ESRRG: variants seen among roughly 807,000 people sequenced by gnomAD.
The protein encoded by ESRRG is estrogen-related receptor gamma.
In ESRRG, 13 loss-of-function variants were observed where a neutral mutation model predicts 44.0. The ratio of observed to expected loss-of-function variants is 0.30; its 90% confidence interval spans 0.19 to 0.47. ESRRG has a LOEUF of 0.47. Among genes scored for constraint, ESRRG ranks in the 20% least tolerant of loss-of-function variants. The pLI is 1.00. For synonymous variants in ESRRG, 215 were observed against 214.6 expected, an observed-to-expected ratio of 1.00 and a Z score of -0.02; for missense variants, 395 against 580.6, an observed-to-expected ratio of 0.68 and a Z score of 3.29.
chr1:216,689,277 T>G (rs1290175238), intron 1 of ESRRG, among the ~76,000 whole-genome samples: 1 of 152,132 alleles, frequency 6.6e-6, no homozygotes, highest in Non-Finnish European at 1.5e-5. Context: ...ATGTGAATAC[T>G]GGGGTGAGTT....
intron 2 of ESRRG, among the ~76,000 whole-genome samples, chr1:216,881,167 C>T (rs956345513): frequency 7.2e-5 from 11 of 152,122 alleles, no homozygotes; most frequent in Admixed American, 2.0e-4. Flanking sequence ...TTGGAGTGAA[C>T]CAGTTCCTAA....
At position 216,680,015 on chromosome 1, in the gene ESRRG, G is replaced by T. The variant is rs569529662; in HGVS notation, c.57-2524C>A. ...TTCGGGACGTACAAGCTGCCAGAAA[G>T]GTCCTTAAAACAGAAGCACTGTCTT... is the stretch of plus-strand genomic sequence containing the variant. On this transcript the variant is annotated intron_variant, in intron 1 of 6. Coordinates refer to ENST00000408911, the MANE Select transcript of ESRRG (RefSeq NM_001438.4). Among the ~76,000 whole-genome samples, 8 of 152,272 alleles carry T rather than the reference G, an allele frequency of 5.3e-5. No homozygotes were observed. The East Asian group carries it at 1.4e-3, about 26-fold the overall frequency.
At chr1:216,781,544 G>A (rs529898337) in intron 2 of ESRRG, among the ~76,000 whole-genome samples, 3 of 151,938 alleles carry the variant, frequency 2.0e-5, no homozygotes, top group African/African-American at 7.2e-5. Flanking sequence ...CACTCCAATC[G>A]CTATACCAAA....
chr1:216,895,952 G>T (rs1405437918), intron 2 of ESRRG, among the ~76,000 whole-genome samples: 1 of 152,152 alleles, frequency 6.6e-6, no homozygotes, highest in Non-Finnish European at 1.5e-5. Context: ...TTTAACTAGA[G>T]ATTCAAAATC....
chr1:216,542,458 A>G (rs1171874334), intron 5 of ESRRG, among the ~76,000 whole-genome samples: 1 of 152,024 alleles, frequency 6.6e-6, no homozygotes, highest in African/African-American at 2.4e-5. Context: ...GCAGTGGATG[A>G]TGCATCACAC....
intron 2 of ESRRG, among the ~76,000 whole-genome samples, chr1:216,890,260 G>A (rs754497714): frequency 4.6e-5 from 7 of 151,956 alleles, no homozygotes; most frequent in Non-Finnish European, 8.8e-5. Flanking sequence ...GTGAGACCCT[G>A]TCTCAAAAAA....
intron 3 of ESRRG, among the ~76,000 whole-genome samples, chr1:216,635,068 A>C (rs923149887): frequency 6.6e-6 from 1 of 151,952 alleles, no homozygotes; most frequent in African/African-American, 2.4e-5. Flanking sequence ...GACTGAAACC[A>C]TGAAACCATT....
At chr1:216,696,461 C>T (rs1415253816) in intron 1 of ESRRG, among the ~76,000 whole-genome samples, 1 of 151,688 alleles carries the variant, frequency 6.6e-6, no homozygotes, top group East Asian at 1.9e-4. Context: ...CTATTTGACC[C>T]CAAAATAACA....
At chr1:217,095,755 A>G (rs541495787) in intron 1 of ESRRG, among the ~76,000 whole-genome samples, 8 of 152,356 alleles carry the variant, frequency 5.3e-5, no homozygotes, top group Non-Finnish European at 8.8e-5. Flanking sequence ...TTTATGAAGC[A>G]TGGTGGCACA....
intron 1 of ESRRG, among the ~76,000 whole-genome samples, chr1:217,114,667 C>CTTTTTTT (rs139701773): frequency 9.3e-6 from 1 of 107,254 alleles, no homozygotes; most frequent in East Asian, 2.6e-4. Context: ...CAAAAGATTT[C>CTTTTTTT]TTTTTTTTTT....
intron 2 of ESRRG, among the ~76,000 whole-genome samples, chr1:216,809,782 CTGGAAGGACCAGGATG>C: frequency 6.6e-6 from 1 of 152,094 alleles, no homozygotes; most frequent in Non-Finnish European, 1.5e-5. Flanking sequence ...GGAGGGCTCT[CTGGAAGGACCAGGATG>C]TGGCACAGCT....
intron 2 of ESRRG, among the ~76,000 whole-genome samples, chr1:216,817,311 A>G (rs1365423430): frequency 6.6e-6 from 1 of 152,232 alleles, no homozygotes; most frequent in African/African-American, 2.4e-5. Context: ...TCATCTGAGT[A>G]TGAAAAAGAT....
chr1:216,904,075 T>C (rs1486153263), intron 2 of ESRRG, among the ~76,000 whole-genome samples: 1 of 152,150 alleles, frequency 6.6e-6, no homozygotes, highest in Non-Finnish European at 1.5e-5. Flanking sequence ...CTTGCAGGGT[T>C]GCTGTACGTA....
intron 2 of ESRRG, among the ~76,000 whole-genome samples, chr1:216,809,020 C>G (rs1428428070): frequency 6.6e-6 from 1 of 152,082 alleles, no homozygotes; most frequent in Admixed American, 6.6e-5. Context: ...TTGCCAGGCA[C>G]TGTGCTAGCT....
chr1:216,908,522 C>T (rs552658305), intron 2 of ESRRG, among the ~76,000 whole-genome samples: 1 of 152,086 alleles, frequency 6.6e-6, no homozygotes, highest in East Asian at 1.9e-4. Context: ...TTTGCAGGAC[C>T]ATAATATAGG....
rs544931443 is a variant in ESRRG, at chr1:216,506,559, GA to G, written c.*379del. 1.3e-3 allele frequency: 559 copies of G among 446,880 alleles called. 3 individuals are homozygous for G. Among genetic ancestry groups the G allele is most frequent in the African/African-American group, 0.01 (506 of 49,200 alleles). The allele number at this position is 446,880 out of a possible 1,614,324, so 27.7% of individuals were successfully genotyped here. A position where few individuals can be genotyped will look rare whatever the true frequency, so the allele number is the denominator to read the frequency against. Reference sequence around the variant, plus strand: ...GCTATTTCAAATTTAGAAAAAAGGGGAAGGATGAGAAAAGAGAGGAATGAGA... The same window carrying G: ...GCTATTTCAAATTTAGAAAAAAGGGGAGGATGAGAAAAGAGAGGAATGAGA... On this transcript the variant is annotated 3_prime_UTR_variant, in exon 7 of 7. Coordinates refer to ENST00000408911, the MANE Select transcript of ESRRG (RefSeq NM_001438.4).
At chr1:216,793,977 T>A (rs1051225076) in intron 2 of ESRRG, among the ~76,000 whole-genome samples, 6 of 143,336 alleles carry the variant, frequency 4.2e-5, no homozygotes, top group African/African-American at 1.6e-4. Context: ...TTTTTTTTTT[T>A]AATACTGTGG....
At chr1:217,131,633 G>T (rs189817322) in intron 1 of ESRRG, among the ~76,000 whole-genome samples, 13 of 152,196 alleles carry the variant, frequency 8.5e-5, no homozygotes, top group Non-Finnish European at 1.5e-4. Flanking sequence ...ATTGGAGGGC[G>T]CAGAAGACTT....
chr1:216,866,029 G>A (rs7539722), intron 2 of ESRRG, among the ~76,000 whole-genome samples: 75,184 of 152,090 alleles, frequency 0.49, 21,049 homozygotes, highest in African/African-American at 0.77. Flanking sequence ...TATAAACTGT[G>A]CTTGAAATAA....
Sources: allele counts gnomAD v4.1 joint callset (sites outside exome capture counted in the v4.1 genomes callset), GRCh38; gene constraint gnomAD v4.1.1; transcripts MANE v1.5; gene names NCBI Gene and HGNC (gene_info 2026-07-23, HGNC 2026-07-21).